The following CHSY1 variants were observed in gnomAD, a reference collection of about 807,000 sequenced individuals.
CHSY1 encodes the protein N-acetylgalactosaminyl-proteoglycan 3-beta-glucuronosyltransferase 1.
CHSY1 carries 13 observed loss-of-function variants against 59.8 expected under a neutral mutation model. The ratio of observed to expected loss-of-function variants is 0.22; its 90% CI spans 0.14 to 0.35. The LOEUF is 0.35. Among genes scored for constraint, CHSY1 ranks in the 10% least tolerant of loss-of-function variants. CHSY1 has a pLI of 1.00. For synonymous variants in CHSY1, 459 were observed against 401.2 expected (o/e 1.14, Z -1.72); for missense variants, 947 against 1,030.6 (o/e 0.92, Z 1.11).
At chr15:101,231,886 C>T (rs1221467578) in intron 2 of CHSY1, among the ~76,000 whole-genome samples, 1 of 152,182 alleles carries the variant, frequency 6.6e-6, no homozygotes, top group African/African-American at 2.4e-5. Context: ...TGAGTTGAGT[C>T]AATATTGCTG....
chr15:101,211,846 CAAGAA>C (rs1490803238), intron 2 of CHSY1, among the ~76,000 whole-genome samples: 1 of 148,566 alleles, frequency 6.7e-6, no homozygotes, highest in African/African-American at 2.5e-5. Context: ...TCCAAGCGCT[CAAGAA>C]TAGTAAGACG....
chr15:101,210,262 T>C (rs2038670612), intron 2 of CHSY1, among the ~76,000 whole-genome samples: 1 of 152,342 alleles, frequency 6.6e-6, no homozygotes, highest in Non-Finnish European at 1.5e-5. Flanking sequence ...TTCTGCATAA[T>C]GTGCAAAGCA....
In CHSY1 at chr15:101,178,799, T is replaced by A. The variant is rs780157408; in HGVS notation, c.998A>T (p.Gln333Leu). The change falls in exon 3 of 3, where the codon CAG becomes CTG. Residue 333 changes from glutamine (Q) to leucine (L), a missense_variant. Gln to Leu is a moderately radical substitution (Grantham distance 113). Around this residue, in one of 4 missense-constraint regions of CHSY1, gnomAD observed 602 missense variants for 676.9 expected, o/e 0.89. Coordinates refer to ENST00000254190, the MANE Select transcript of CHSY1 (RefSeq NM_014918.5). ...CATCAGGACAATTTCGCGGTGCAGC[T>A]GTATTGTGCGATGGCGGAGCTCGGA... ...KISELRHRTI[Q>L]LHREIVLMSK... is the part of the protein sequence containing the mutation. 2 of 1,614,190 alleles carry A rather than the reference T, an allele frequency of 1.2e-6. No homozygotes were observed. Among genetic ancestry groups the A allele is most frequent in the South Asian group, 2.2e-5 (2 of 91,088 alleles).
At chr15:101,239,817 G>A (rs1392929644) in intron 1 of CHSY1, among the ~76,000 whole-genome samples, 4 of 151,782 alleles carry the variant, frequency 2.6e-5, no homozygotes, top group Non-Finnish European at 5.9e-5. Flanking sequence ...AGCATTTCGC[G>A]GTAGAGCACG....
chr15:101,241,451 GAA>G (rs1203291716), intron 1 of CHSY1, among the ~76,000 whole-genome samples: 1 of 152,106 alleles, frequency 6.6e-6, no homozygotes, highest in African/African-American at 2.4e-5. Flanking sequence ...TTTAGAGCTG[GAA>G]AAAAAGTTTT....
At chr15:101,236,075 G>A (rs1339121296) in intron 1 of CHSY1, among the ~76,000 whole-genome samples, 3 of 152,142 alleles carry the variant, frequency 2.0e-5, no homozygotes, top group Non-Finnish European at 4.4e-5. Context: ...CCAGAATAAT[G>A]AGACTAATGT....
At chr15:101,205,810 G>T (rs924271457) in intron 2 of CHSY1, among the ~76,000 whole-genome samples, 1 of 152,116 alleles carries the variant, frequency 6.6e-6, no homozygotes, top group Non-Finnish European at 1.5e-5. Context: ...AATTAGCTGG[G>T]CGTGGTGGTG....
chr15:101,198,820 A>G (rs2038537531), intron 2 of CHSY1, among the ~76,000 whole-genome samples: 1 of 152,168 alleles, frequency 6.6e-6, no homozygotes, highest in Admixed American at 6.5e-5. Context: ...CTGTTTTTGC[A>G]TTACAGTGGC....
chr15:101,218,098 C>T (rs1039660413), intron 2 of CHSY1, among the ~76,000 whole-genome samples: 17 of 152,210 alleles, frequency 1.1e-4, no homozygotes, highest in African/African-American at 3.9e-4. Flanking sequence ...CAGACAAATC[C>T]GAATAGAGGA....
intron 2 of CHSY1, among the ~76,000 whole-genome samples, chr15:101,208,605 C>A (rs781354261): frequency 3.3e-5 from 5 of 150,928 alleles, no homozygotes; most frequent in African/African-American, 1.2e-4. Context: ...ACCAACTACT[C>A]GGGAGGTAGA....
chr15:101,207,378 T>C (rs939462499), intron 2 of CHSY1, among the ~76,000 whole-genome samples: 1 of 152,248 alleles, frequency 6.6e-6, no homozygotes, highest in African/African-American at 2.4e-5. Flanking sequence ...TTTTAAAAAT[T>C]GTTCATTCTG....
chr15:101,235,921 A>G (rs2038936396), intron 1 of CHSY1, among the ~76,000 whole-genome samples: 1 of 152,144 alleles, frequency 6.6e-6, no homozygotes. Flanking sequence ...CAACTCTATA[A>G]AACAAAAAAC....
rs781661334 is a variant in CHSY1, at chr15:101,178,104, C to T, written c.1693G>A (p.Val565Ile). 2.2e-5 allele frequency: 36 copies of T among 1,614,054 alleles called. No homozygotes were observed. The highest frequency in any genetic ancestry group is 2.9e-5 in the Non-Finnish European group (34 of 1,180,020). The part of the protein sequence containing the change: ...EKTCLIPNQN[V>I]KLVVLLFNSD... ...TTGAAAAGCAGAACCACGAGCTTGA[C>T]GTTCTGATTGGGGATAAGACACGTC... Residue 565 changes from valine (V) to isoleucine (I), a missense_variant, in exon 3 of 3, where the codon GTC (valine) becomes ATC (isoleucine). Physicochemically the swap from Val to Ile is conservative, Grantham distance 29. Around this residue, in one of 4 missense-constraint regions of CHSY1, gnomAD observed 602 missense variants for 676.9 expected, o/e 0.89. Transcript: ENST00000254190.
In CHSY1 at chr15:101,177,587, C is replaced by G. The variant is rs2038209639; in HGVS notation, c.2210G>C (p.Ser737Thr). ...GACGTGGACTACTCCTACTTCCTGG[C>G]TCCTAAACGTCTTCAAACCTGCCTG... is the stretch of plus-strand genomic sequence containing the variant. ...VVQAGLKTFR[S>T]QEVGVVHVHH... is the part of the protein sequence containing the mutation. Residue 737 changes from serine to threonine, a missense_variant, in exon 3 of 3, where the codon AGC (serine) becomes ACC (threonine). Ser to Thr is a moderately conservative substitution (Grantham distance 58). Around this residue, in one of 4 missense-constraint regions of CHSY1, gnomAD observed 602 missense variants for 676.9 expected, o/e 0.89. Transcript: ENST00000254190. The G allele has an allele frequency of 2.5e-6, 4 of 1,614,166 alleles. No homozygotes were observed. Among genetic ancestry groups the G allele is most frequent in the Non-Finnish European group, 3.4e-6 (4 of 1,180,026 alleles).
intron 1 of CHSY1, among the ~76,000 whole-genome samples, chr15:101,244,911 A>G (rs1179162489): frequency 6.6e-6 from 1 of 152,200 alleles, no homozygotes; most frequent in Non-Finnish European, 1.5e-5. Context: ...TACACATTTA[A>G]GCACACCTTT....
At chr15:101,247,800 G>A (rs1483261709) in intron 1 of CHSY1, among the ~76,000 whole-genome samples, 1 of 152,186 alleles carries the variant, frequency 6.6e-6, no homozygotes, top group Non-Finnish European at 1.5e-5. Flanking sequence ...AAGTAAAAAT[G>A]TGTAATGATG....
chr15:101,245,188 C>T (rs903142996), intron 1 of CHSY1, among the ~76,000 whole-genome samples: 5 of 152,212 alleles, frequency 3.3e-5, no homozygotes, highest in African/African-American at 9.6e-5. Context: ...AAGCCTGGCA[C>T]GCAGACCTTC....
chr15:101,249,895 G>A (rs903348082), intron 1 of CHSY1, among the ~76,000 whole-genome samples: 1 of 152,172 alleles, frequency 6.6e-6, no homozygotes, highest in African/African-American at 2.4e-5. Context: ...TGTGGGTTCT[G>A]GACTTAAGCA....
At chr15:101,182,262 C>T (rs4278729) in intron 2 of CHSY1, among the ~76,000 whole-genome samples, 101,169 of 152,094 alleles carry the variant, frequency 0.67, 35,027 homozygotes, top group East Asian at 0.86. Flanking sequence ...CTAAATCTGA[C>T]GAAAAATATA....
Sources: allele counts gnomAD v4.1 joint callset (sites outside exome capture counted in the v4.1 genomes callset), GRCh38; gene constraint gnomAD v4.1.1; regional missense constraint gnomAD v4.1.1; transcripts MANE v1.5; gene names NCBI Gene and HGNC (gene_info 2026-07-23, HGNC 2026-07-21).